Variants in USP32 observed in about 807,000 individuals in gnomAD.
The protein encoded by USP32 is ubiquitin carboxyl-terminal hydrolase 32.
A neutral mutation model predicts 204.8 loss-of-function variants in USP32; 59 were observed. The ratio of observed to expected loss-of-function variants is 0.29; its 90% CI spans 0.23 to 0.36. USP32 has a LOEUF of 0.36. Among genes scored for constraint, USP32 ranks in the 10% least tolerant of loss-of-function variants. The probability of loss-of-function intolerance (pLI) is 1.00; values close to 1 mark genes in which losing one functional copy is unlikely to be tolerated. For missense variants in USP32, 1,160 were observed against 1,946.4 expected (o/e 0.60, Z 7.60); for synonymous variants, 517 against 678.4 (o/e 0.76, Z 3.70).
intron 9 of USP32, among the ~76,000 whole-genome samples, chr17:60,260,755 G>T (rs150162791): frequency 1.3e-5 from 2 of 151,776 alleles, no homozygotes; most frequent in Non-Finnish European, 2.9e-5. Flanking sequence ...TTGCATAATC[G>T]CTTATACAGT....
intron 9 of USP32, chr17:60,256,657 T>C (rs575470122): frequency 6.7e-6 from 7 of 1,046,258 alleles, no homozygotes; most frequent in Admixed American, 5.2e-5. Context: ...AGTGTCTAAA[T>C]TGTCCCACTG....
Position 60,331,104 on chromosome 17 carries a change from G to A in USP32, c.186+14377C>T, listed in dbSNP as rs192644452. ...AATAAAGTTCAACCAAAATACAAAT[G>A]CCCTAACAAAGATAGAAAAGGAAAT... On this transcript the variant is annotated intron_variant, in intron 2 of 33. Coordinates refer to ENST00000300896, the MANE Select transcript of USP32 (RefSeq NM_032582.4). 1.3e-3 allele frequency among the ~76,000 whole-genome samples: 201 copies of A among 152,238 alleles called. 1 individual carries two copies. Among genetic ancestry groups the A allele is most frequent in the African/African-American group, 4.5e-3 (188 of 41,562 alleles).
intron 12 of USP32, among the ~76,000 whole-genome samples, chr17:60,227,357 C>A (rs1050380893): frequency 6.6e-6 from 1 of 150,774 alleles, no homozygotes; most frequent in African/African-American, 2.4e-5. Flanking sequence ...GCAACCTCCA[C>A]CTCCCAGGTT....
intron 1 of USP32, among the ~76,000 whole-genome samples, chr17:60,406,203 T>G (rs545462771): frequency 1.0e-3 from 155 of 151,380 alleles, no homozygotes; most frequent in Non-Finnish European, 1.2e-3. Flanking sequence ...AAAAAAAAAT[T>G]TTTTTTTGGA....
Position 60,265,983 on chromosome 17 carries a change from T to C in USP32, c.920A>G (p.Asp307Gly). The change falls in exon 8 of 34, where the codon GAT (aspartate) becomes GGT (glycine). Residue 307 changes from aspartate to glycine, a missense_variant. By Grantham distance (94) the Asp-to-Gly change is moderately conservative. Around this residue, in one of 8 missense-constraint regions of USP32, gnomAD observed 536 missense variants for 680.9 expected, o/e 0.79. Transcript: ENST00000300896. ...LEVWKDNRTD[D>G]IPELHMDLSD... is the part of the protein sequence containing the mutation. ...TACACAATCATAACTTACAGGAATA[T>C]CATCAGTGCGGTTGTCCTTCCAGAC... 6.2e-7 allele frequency: 1 copy of C among 1,612,928 alleles called. No individual in the cohort carries two copies. Among genetic ancestry groups the C allele is most frequent in the Non-Finnish European group, 8.5e-7 (1 of 1,179,054 alleles).
chr17:60,380,285 A>G (rs1303138346), intron 1 of USP32, among the ~76,000 whole-genome samples: 3 of 152,184 alleles, frequency 2.0e-5, no homozygotes, highest in Non-Finnish European at 2.9e-5. Flanking sequence ...TTAGAAAAGA[A>G]GCTAGGTGCA....
In USP32 at chr17:60,342,765, C is replaced by T. The variant is rs187310074; in HGVS notation, c.186+2716G>A. Among the ~76,000 whole-genome samples the T allele has an allele frequency of 2.3e-4, 35 of 152,340 alleles. 1 individual carries two copies. Among genetic ancestry groups the T allele is most frequent in the African/African-American group, 7.9e-4 (33 of 41,584 alleles). On this transcript the variant is annotated intron_variant, in intron 2 of 33. Coordinates refer to ENST00000300896, the MANE Select transcript of USP32 (RefSeq NM_032582.4). ...GGGAGAGAATCTCCTCTGCTGGTTG[C>T]TAAGACCTTGGGGAAAGTGCAGTAT...
intron 4 of USP32, among the ~76,000 whole-genome samples, chr17:60,288,925 T>C (rs939502348): frequency 3.3e-5 from 5 of 152,230 alleles, no homozygotes; most frequent in African/African-American, 1.2e-4. Flanking sequence ...ATTTCATCAA[T>C]TCAGTAAAGC....
At chr17:60,317,648 G>A (rs866181182) in intron 2 of USP32, among the ~76,000 whole-genome samples, 2 of 151,924 alleles carry the variant, frequency 1.3e-5, no homozygotes, top group African/African-American at 2.4e-5. Flanking sequence ...GACCCTCACC[G>A]CTACAAAATA....
In USP32 at chr17:60,214,226, G is replaced by A. The variant is rs537900671; in HGVS notation, c.2022+394C>T. On this transcript the variant is annotated intron_variant, in intron 17 of 33. Transcript: ENST00000300896. Reference sequence around the variant, plus strand: ...CAAAGTGATGGGATTACAGGCGTGAGCCACTGTGCTCGGCCACACCATTAG... The same window carrying A: ...CAAAGTGATGGGATTACAGGCGTGAACCACTGTGCTCGGCCACACCATTAG... 2.6e-5 allele frequency among the ~76,000 whole-genome samples: 4 copies of A among 152,308 alleles called. No homozygotes were observed. In the East Asian group the frequency reaches 7.7e-4, roughly 29 times the overall value.
Position 60,209,540 on chromosome 17 carries a change from T to A in USP32, c.2428A>T (p.Thr810Ser), listed in dbSNP as rs1286109663. The change falls in exon 22 of 34, where the codon ACC (threonine) becomes TCC (serine). Residue 810 changes from threonine to serine, a missense_variant. Around this residue, in one of 8 missense-constraint regions of USP32, gnomAD observed 132 missense variants for 432.8 expected, o/e 0.30. Transcript: ENST00000300896. ...AACCTGGGAGCATATTTTGCTATGG[T>A]CCACTATAAATATAAGAGAAGTCAC... ...KNVAPLKLRW[T>S]IAKYAPRFNG... 1 of 1,582,288 alleles carries A rather than the reference T, an allele frequency of 6.3e-7. No homozygotes were observed. The highest frequency in any genetic ancestry group is 1.4e-5 in the African/African-American group (1 of 72,664).
chr17:60,257,610 C>T (rs931970068), intron 9 of USP32, among the ~76,000 whole-genome samples: 1 of 152,096 alleles, frequency 6.6e-6, no homozygotes, highest in Admixed American at 6.6e-5. Flanking sequence ...CAGCCTCAGC[C>T]TCCTGACTAC....
At chr17:60,293,435 C>T (rs1338578716) in intron 4 of USP32, among the ~76,000 whole-genome samples, 1 of 152,156 alleles carries the variant, frequency 6.6e-6, no homozygotes, top group Non-Finnish European at 1.5e-5. Context: ...AAAAAACAAA[C>T]AAATCATAGC....
chr17:60,406,331 A>G (rs1252206148), intron 1 of USP32, among the ~76,000 whole-genome samples: 2 of 151,874 alleles, frequency 1.3e-5, no homozygotes, highest in Non-Finnish European at 2.9e-5. Flanking sequence ...GGCCCATGCC[A>G]CCATGCCCAG....
intron 9 of USP32, among the ~76,000 whole-genome samples, chr17:60,264,514 C>G (rs1311178165): frequency 6.7e-6 from 1 of 149,268 alleles, no homozygotes; most frequent in Non-Finnish European, 1.5e-5. Flanking sequence ...GATCCTGTCT[C>G]CAAAAAAACA....
At chr17:60,195,588 T>C (rs905490117) in intron 27 of USP32, among the ~76,000 whole-genome samples, 2 of 152,344 alleles carry the variant, frequency 1.3e-5, no homozygotes, top group Admixed American at 6.5e-5. Context: ...TTCTCCCACC[T>C]TGGCCTCCCG....
intron 5 of USP32, among the ~76,000 whole-genome samples, chr17:60,284,855 A>T (rs2087069440): frequency 1.3e-5 from 2 of 152,082 alleles, no homozygotes; most frequent in Admixed American, 1.3e-4. Context: ...AGCAATAGTC[A>T]TTCCCCTCAC....
chr17:60,188,903 C>G (rs1213238465), intron 29 of USP32, among the ~76,000 whole-genome samples: 2 of 152,188 alleles, frequency 1.3e-5, no homozygotes, highest in Non-Finnish European at 2.9e-5. Flanking sequence ...CATCAATAGC[C>G]CTTCACTTCC....
chr17:60,324,228 G>C (rs1335778014), intron 2 of USP32, among the ~76,000 whole-genome samples: 1 of 151,738 alleles, frequency 6.6e-6, no homozygotes, highest in Non-Finnish European at 1.5e-5. Context: ...GTTGCAATCA[G>C]CTATGATTGC....
Sources: allele counts gnomAD v4.1 joint callset (sites outside exome capture counted in the v4.1 genomes callset), GRCh38; gene constraint gnomAD v4.1.1; regional missense constraint gnomAD v4.1.1; transcripts MANE v1.5; gene names NCBI Gene and HGNC (gene_info 2026-07-23, HGNC 2026-07-21).